SEMA5B: variants seen among roughly 807,000 people sequenced by gnomAD.
The protein encoded by SEMA5B is semaphorin 5B.
A neutral mutation model predicts 135.0 loss-of-function variants in SEMA5B; 66 were observed. The ratio of observed to expected loss-of-function variants is 0.49; its 90% CI spans 0.40 to 0.60. The LOEUF (loss-of-function observed/expected upper bound fraction) is 0.60. Ranked by LOEUF, SEMA5B falls within the 20% of genes least tolerant of loss-of-function variation. SEMA5B has a pLI of 0.00. For synonymous variants in SEMA5B, 690 were observed against 639.5 expected (o/e 1.08, Z -1.19); for missense variants, 1,501 against 1,566.3 (o/e 0.96, Z 0.70).
intron 1 of SEMA5B, among the ~76,000 whole-genome samples, chr3:122,989,774 A>G (rs1406340733): frequency 6.6e-6 from 1 of 152,170 alleles, no homozygotes; most frequent in Non-Finnish European, 1.5e-5. Flanking sequence ...CCTTACTCCA[A>G]TGTCCGTTGA....
chr3:122,958,616 GA>G (rs1348402623), intron 2 of SEMA5B, among the ~76,000 whole-genome samples: 7 of 152,214 alleles, frequency 4.6e-5, no homozygotes, highest in Admixed American at 4.6e-4. Context: ...CCATTGCTCT[GA>G]ATAGAGCAGA....
At chr3:122,984,868 C>T (rs1399204137) in intron 1 of SEMA5B, among the ~76,000 whole-genome samples, 1 of 152,108 alleles carries the variant, frequency 6.6e-6, no homozygotes, top group Non-Finnish European at 1.5e-5. Flanking sequence ...AATGTAAAGG[C>T]CCAGAAAAAT....
chr3:122,943,619 T>C (rs1444030236), intron 3 of SEMA5B, 84 bp from the exon 4 acceptor site: 1 of 1,044,768 alleles, frequency 9.6e-7, no homozygotes, highest in Non-Finnish European at 1.4e-6. Flanking sequence ...AACAGAAGGG[T>C]GAAAGTCAGG....
rs1003583203 is a variant in SEMA5B, at chr3:123,019,766, C to T, written c.-39+7698G>A. On this transcript the variant is annotated intron_variant, in intron 1 of 22. Coordinates refer to ENST00000357599, the MANE Select transcript of SEMA5B (RefSeq NM_001031702.4). ...TGTTATGGTTCAGGGGCTGGAGGTA[C>T]GAAGATGAAAGGGCTGAGCAGGTGA... Among the ~76,000 whole-genome samples, 8 of 151,894 alleles carry T rather than the reference C, an allele frequency of 5.3e-5. No homozygotes were observed. In the East Asian group the frequency reaches 9.6e-4, roughly 18 times the overall value.
Position 122,910,194 on chromosome 3 carries a change from G to C in SEMA5B, c.3405C>G (p.His1135Gln). 1 of 1,614,254 alleles carries C rather than the reference G, an allele frequency of 6.2e-7. No homozygotes were observed. Among genetic ancestry groups the C allele is most frequent in the East Asian group, 2.2e-5 (1 of 44,890 alleles). Residue 1135 changes from histidine (H) to glutamine (Q), a missense_variant, in exon 23 of 23, where the codon CAC becomes CAG. Around this residue, in one of 2 missense-constraint regions of SEMA5B, gnomAD observed 927 missense variants for 881.6 expected, o/e 1.05. Coordinates refer to ENST00000357599, the MANE Select transcript of SEMA5B (RefSeq NM_001031702.4). ...CAGGTGAGGCCTCGGGCCGGAAGCT[G>C]TGTTTGTTCAGGGGGCTTGGGTAGT... ...TTYYPSPLNK[H>Q]SFRPEASPGQ...
chr3:122,917,797 T>C (rs530509548), intron 12 of SEMA5B, among the ~76,000 whole-genome samples: 2 of 152,342 alleles, frequency 1.3e-5, no homozygotes, highest in East Asian at 3.9e-4. Flanking sequence ...GGGTAAATTG[T>C]ACAAGATAAA....
intron 5 of SEMA5B, among the ~76,000 whole-genome samples, chr3:122,933,600 A>G (rs1939089895): frequency 1.3e-5 from 2 of 151,776 alleles, no homozygotes; most frequent in African/African-American, 4.8e-5. Context: ...GTTTTGGCAA[A>G]TTTTCTTACG....
intron 2 of SEMA5B, among the ~76,000 whole-genome samples, chr3:122,958,521 T>C (rs1241925459): frequency 1.3e-5 from 2 of 152,130 alleles, no homozygotes; most frequent in Admixed American, 6.5e-5. Flanking sequence ...TGAAGGCATC[T>C]TCCCACCCAC....
chr3:122,937,068 G>A (rs1939328303), intron 5 of SEMA5B, among the ~76,000 whole-genome samples: 1 of 152,224 alleles, frequency 6.6e-6, no homozygotes. Flanking sequence ...GGGCCAAGTG[G>A]GAGAATCAGT....
chr3:123,026,139 C>G (rs898289370), intron 1 of SEMA5B, among the ~76,000 whole-genome samples: 3 of 152,104 alleles, frequency 2.0e-5, no homozygotes, highest in African/African-American at 7.2e-5. Context: ...GGAAGGAGGT[C>G]GGATTCACTA....
At chr3:122,932,578 C>T (rs1939034142) in intron 5 of SEMA5B, among the ~76,000 whole-genome samples, 2 of 152,140 alleles carry the variant, frequency 1.3e-5, no homozygotes, top group African/African-American at 4.8e-5. Context: ...ACTGCCTCAT[C>T]ATGGGAACAT....
chr3:122,955,528 C>G (rs1940254039), intron 2 of SEMA5B, among the ~76,000 whole-genome samples: 1 of 152,182 alleles, frequency 6.6e-6, no homozygotes, highest in Admixed American at 6.5e-5. Flanking sequence ...CCAAGACAAA[C>G]AGAAATTTCT....
At chr3:122,966,565 T>TATTA (rs1491211441) in intron 1 of SEMA5B, among the ~76,000 whole-genome samples, 1 of 135,366 alleles carries the variant, frequency 7.4e-6, no homozygotes, top group East Asian at 2.0e-4. Context: ...TTATTATTAT[T>TATTA]ATTTTTTGAG....
intron 1 of SEMA5B, among the ~76,000 whole-genome samples, chr3:123,025,769 C>T (rs1454823653): frequency 6.6e-6 from 1 of 152,214 alleles, no homozygotes; most frequent in Non-Finnish European, 1.5e-5. Flanking sequence ...CAGTTCTCAC[C>T]GCCCCATGAG....
In SEMA5B at chr3:123,024,402, C is replaced by G. The variant is rs141947577; in HGVS notation, c.-39+3062G>C. On this transcript the variant is annotated intron_variant, in intron 1 of 22. Transcript: ENST00000357599. ...ATGTGAGCTTCTAGTCTTATCTCAT[C>G]TAACCCTATTGCTACATTAGATGAA... 2.6e-5 allele frequency among the ~76,000 whole-genome samples: 4 copies of G among 152,340 alleles called. No homozygotes were observed. In the East Asian group the frequency reaches 7.7e-4, roughly 29 times the overall value.
intron 1 of SEMA5B, chr3:122,976,217 T>A: frequency 2.8e-6 from 4 of 1,438,936 alleles, no homozygotes; most frequent in Non-Finnish European, 2.8e-6. Flanking sequence ...ACCAGCAGCA[T>A]CTGCACCTCC....
At chr3:122,995,742 G>A (rs2107736085) in intron 1 of SEMA5B, among the ~76,000 whole-genome samples, 1 of 152,300 alleles carries the variant, frequency 6.6e-6, no homozygotes, top group South Asian at 2.1e-4. Flanking sequence ...GCCAACAATT[G>A]GCTGGGCTGC....
intron 4 of SEMA5B, 40 bp from the exon 5 acceptor site, chr3:122,939,510 C>T (rs1247662426): frequency 6.4e-7 from 1 of 1,565,862 alleles, no homozygotes; most frequent in South Asian, 1.1e-5. Context: ...GACGCTGGTT[C>T]TGCAGGCAGG....
chr3:122,991,936 G>A (rs1455168702), intron 1 of SEMA5B, among the ~76,000 whole-genome samples: 1 of 152,192 alleles, frequency 6.6e-6, no homozygotes, highest in Non-Finnish European at 1.5e-5. Context: ...GGGCATCCCT[G>A]TGACGGCAAA....
Sources: gnomAD v4.1 joint callset for allele counts (sites outside exome capture counted in the v4.1 genomes callset) on GRCh38, gnomAD v4.1.1 for gene constraint, gnomAD v4.1.1 regional missense constraint, MANE v1.5 for transcripts, NCBI Gene and HGNC (gene_info 2026-07-23, HGNC 2026-07-21) for gene names.